Variants in ETS1 observed in about 807,000 individuals in gnomAD.
ETS1 encodes the protein ETS proto-oncogene 1, transcription factor.
Under a neutral mutation model 58.6 loss-of-function variants are expected in ETS1, and 15 were observed. The ratio of observed to expected loss-of-function variants is 0.26; its 90% CI spans 0.17 to 0.39. ETS1 has a LOEUF of 0.39. Among genes scored for constraint, ETS1 ranks in the 10% least tolerant of loss-of-function variants. The pLI, the probability that ETS1 is intolerant of heterozygous loss-of-function variation, is 1.00. For synonymous variants in ETS1, 214 were observed against 218.2 expected, an observed-to-expected ratio of 0.98 and a Z score of 0.17; for missense variants, 417 against 610.5, an observed-to-expected ratio of 0.68 and a Z score of 3.34.
chr11:128,494,614 A>C (rs967824199), intron 3 of ETS1, among the ~76,000 whole-genome samples: 1 of 152,254 alleles, frequency 6.6e-6, no homozygotes, highest in African/African-American at 2.4e-5. Context: ...AGGGCTGTTC[A>C]GTTTCCAAGA....
chr11:128,503,975 TA>T (rs1241552983), intron 3 of ETS1, among the ~76,000 whole-genome samples: 1 of 152,148 alleles, frequency 6.6e-6, no homozygotes. Context: ...ATGGCACATC[TA>T]ATGGAATTCA....
intron 3 of ETS1, among the ~76,000 whole-genome samples, chr11:128,524,735 C>G (rs1863767499): frequency 6.6e-6 from 1 of 152,140 alleles, no homozygotes; most frequent in South Asian, 2.1e-4. Flanking sequence ...TTACAGAGCT[C>G]AATAAATATG....
chr11:128,482,462 T>C (rs989131353), intron 7 of ETS1, among the ~76,000 whole-genome samples: 1 of 152,202 alleles, frequency 6.6e-6, no homozygotes, highest in Non-Finnish European at 1.5e-5. Flanking sequence ...GCCAATTTTA[T>C]ACTTGGAGAA....
rs545217609 is a variant in ETS1 at position 128,508,295 on chromosome 11, A to G, written c.215-17719T>C. 1.6e-4 allele frequency among the ~76,000 whole-genome samples: 24 copies of G among 152,340 alleles called. 1 individual carries two copies. The South Asian group carries it at 5.0e-3, about 32-fold the overall frequency. On this transcript the variant is annotated intron_variant, in intron 3 of 9. Transcript: ENST00000392668. ...CTCCTGTGGCAATGAAAAAGTATAA[A>G]AGTTTTCACAGGAATTATCTCTAAT... is the stretch of plus-strand genomic sequence containing the variant.
intron 1 of ETS1, among the ~76,000 whole-genome samples, chr11:128,577,349 C>T (rs1001561926): frequency 2.0e-5 from 3 of 152,214 alleles, no homozygotes; most frequent in Non-Finnish European, 4.4e-5. Flanking sequence ...GCCCCCTCAT[C>T]TAAGAAGGCT....
chr11:128,474,712 C>T (rs938561130), intron 8 of ETS1, among the ~76,000 whole-genome samples: 2 of 152,230 alleles, frequency 1.3e-5, no homozygotes, highest in Non-Finnish European at 2.9e-5. Flanking sequence ...TGAATGGAAT[C>T]CCTGCCAGCA....
intron 3 of ETS1, 136 bp from the exon 4 acceptor site, chr11:128,490,712 CA>C: frequency 4.1e-5 from 17 of 419,068 alleles, no homozygotes; most frequent in East Asian, 1.3e-4. Context: ...CCAGAGCAGG[CA>C]ATTTTTTTTT....
chr11:128,528,954 T>A (rs956134877), intron 3 of ETS1: 3 of 152,218 alleles, frequency 2.0e-5, no homozygotes, highest in Non-Finnish European at 2.9e-5. Flanking sequence ...ACGAAGTAAA[T>A]CAGTTGTTTG....
chr11:128,580,964 C>T (rs1298815064), intron 1 of ETS1, among the ~76,000 whole-genome samples: 2 of 152,180 alleles, frequency 1.3e-5, no homozygotes, highest in Admixed American at 1.3e-4. Flanking sequence ...AAAATGAACT[C>T]ATGTCATTAT....
At chr11:128,525,619 G>GAAAAA (rs10554000) in intron 3 of ETS1, among the ~76,000 whole-genome samples, 4 of 75,816 alleles carry the variant, frequency 5.3e-5, no homozygotes, top group African/African-American at 9.8e-5. Flanking sequence ...GTAAGATTTA[G>GAAAAA]AAAAAAAAAA....
chr11:128,521,889 G>C, intron 3 of ETS1: 1 of 1,580,694 alleles, frequency 6.3e-7, no homozygotes, highest in Admixed American at 1.8e-5. Flanking sequence ...AGCTTGGGTG[G>C]GGGCCTCGGC....
At chr11:128,469,679 G>A (rs1383192785) in intron 8 of ETS1, among the ~76,000 whole-genome samples, 5 of 152,192 alleles carry the variant, frequency 3.3e-5, no homozygotes, top group East Asian at 1.9e-4. Context: ...ACAAAGTCTT[G>A]TTGCCTGAGG....
chr11:128,480,741 G>A (rs928246550), intron 7 of ETS1, among the ~76,000 whole-genome samples: 7 of 152,268 alleles, frequency 4.6e-5, no homozygotes, highest in East Asian at 1.9e-4. Flanking sequence ...TCGGAGTAGC[G>A]TTTGGGTCCT....
At chr11:128,518,631 C>G (rs1863585201) in intron 3 of ETS1, among the ~76,000 whole-genome samples, 1 of 152,170 alleles carries the variant, frequency 6.6e-6, no homozygotes, top group Non-Finnish European at 1.5e-5. Flanking sequence ...CTGCTCTGAA[C>G]CATAGAGCTC....
chr11:128,477,275 G>A (rs548104005), intron 8 of ETS1, among the ~76,000 whole-genome samples: 2 of 152,316 alleles, frequency 1.3e-5, no homozygotes, highest in African/African-American at 4.8e-5. Flanking sequence ...CAAATTTTAA[G>A]GGAACAGACA....
chr11:128,573,938 A>G (rs11221356), intron 1 of ETS1, among the ~76,000 whole-genome samples: 1 of 152,012 alleles, frequency 6.6e-6, no homozygotes, highest in Non-Finnish European at 1.5e-5. Flanking sequence ...AGGCATACCA[A>G]TCAGAGGCCA....
At position 128,558,665 on chromosome 11, in the gene ETS1, AAAAAAAAAAAAAAAAAAAAG is replaced by A. The variant is rs1488380399; in HGVS notation, c.70-2250_70-2231del. On this transcript the variant is annotated intron_variant, in intron 2 of 9. Transcript: ENST00000392668. ...TATCCATCCCAAAAAAAAAAAAAAA[AAAAAAAAAAAAAAAAAAAAG>A]AGAGAGAGAGAGAAAAGAAAAGAAA... is the stretch of plus-strand genomic sequence containing the variant. 3.6e-3 allele frequency among the ~76,000 whole-genome samples: 14 copies of A among 3,854 alleles called. No individual in the cohort carries two copies. In the East Asian group the frequency reaches 0.087, roughly 24 times the overall value. The allele number at this position is 3,854 out of a possible 152,430, so 2.5% of individuals were successfully genotyped here.
chr11:128,524,539 A>G (rs1413097036), intron 3 of ETS1, among the ~76,000 whole-genome samples: 1 of 152,236 alleles, frequency 6.6e-6, no homozygotes, highest in Non-Finnish European at 1.5e-5. Flanking sequence ...CATATTTAAG[A>G]TATAATAATC....
At chr11:128,488,171 C>T (rs550786798) in intron 5 of ETS1, among the ~76,000 whole-genome samples, 13 of 152,346 alleles carry the variant, frequency 8.5e-5, no homozygotes, top group Non-Finnish European at 1.9e-4. Flanking sequence ...CTCATGTCAA[C>T]ACCTATGAGT....
Sources: gnomAD v4.1 joint callset for allele counts (sites outside exome capture counted in the v4.1 genomes callset) on GRCh38, gnomAD v4.1.1 for gene constraint, MANE v1.5 for transcripts, NCBI Gene and HGNC (gene_info 2026-07-23, HGNC 2026-07-21) for gene names.